The following AVEN variants were observed in gnomAD, a reference collection of about 807,000 sequenced individuals.
AVEN encodes the protein cell death regulator Aven.
In AVEN, 41 loss-of-function variants were observed where a neutral mutation model predicts 38.1. The ratio of observed to expected loss-of-function variants is 1.08; its 90% CI spans 0.84 to 1.40. The LOEUF is 1.40. Ranked by LOEUF, AVEN falls within the 40% of genes most tolerant of loss-of-function variation. The probability of loss-of-function intolerance (pLI) is 0.00; values close to 1 mark genes in which losing one functional copy is unlikely to be tolerated. For missense variants in AVEN, 605 were observed against 438.8 expected, an observed-to-expected ratio of 1.38 and a Z score of -3.38; for synonymous variants, 206 against 171.8, an observed-to-expected ratio of 1.20 and a Z score of -1.56.
intron 2 of AVEN, among the ~76,000 whole-genome samples, chr15:33,953,175 T>G (rs1354845087): frequency 6.6e-6 from 1 of 152,046 alleles, no homozygotes; most frequent in African/African-American, 2.4e-5. Flanking sequence ...TGCTCATGGA[T>G]AGGAAGAATC....
At chr15:34,025,437 T>C (rs2140735082) in intron 1 of AVEN, among the ~76,000 whole-genome samples, 1 of 152,262 alleles carries the variant, frequency 6.6e-6, no homozygotes, top group South Asian at 2.1e-4. Flanking sequence ...AGAAGTAGAC[T>C]AGAGTGGTTA....
intron 2 of AVEN, among the ~76,000 whole-genome samples, chr15:33,876,698 A>G (rs1186334947): frequency 6.6e-6 from 1 of 152,240 alleles, no homozygotes; most frequent in African/African-American, 2.4e-5. Context: ...AGAGGTTATC[A>G]GCCTCTACTG....
intron 5 of AVEN, chr15:34,062,572 A>AAC: frequency 3.0e-5 from 20 of 657,336 alleles, no homozygotes; most frequent in Admixed American, 8.3e-5. Flanking sequence ...AAAAAAAAAA[A>AAC]AACTATAAAC....
Position 34,006,969 on chromosome 15 carries a change from TATAAAG to T in AVEN, c.268-3766_268-3761del, listed in dbSNP as rs1359510644. The T allele has an allele frequency of 2.4e-5, 16 of 669,976 alleles. No homozygotes were observed. In the South Asian group the frequency reaches 6.8e-4, roughly 28 times the overall value. 41.5% of individuals were successfully genotyped at this position (669,976 alleles called of 1,614,324 possible). On this transcript the variant is annotated intron_variant, in intron 1 of 5. Transcript: ENST00000306730. ...ACTGATCAGAAAACAAGGTGAAAAC[TATAAAG>T]ATAAAGGCATCATTTTCATATAAAT...
rs1349533670 is a variant in AVEN at position 34,063,920 on chromosome 15, A to C, written n.1127-488T>G. The C allele has an allele frequency of 3.7e-6, 6 of 1,614,044 alleles. No homozygotes were observed. Among genetic ancestry groups the C allele is most frequent in the Non-Finnish European group, 4.2e-6 (5 of 1,180,038 alleles). On this transcript the variant is annotated intron_variant and non_coding_transcript_variant, in intron 4 of 11. Coordinates refer to the AVEN transcript ENST00000675287. This position sits in a 1 kb window ranked among gnomAD's most constrained non-coding sequence, Gnocchi z 4.1. ...CCAACAATGGCTGTCACAAGGTGAA[A>C]ATCATGCCCTGCCCCTTCCCAGTGG...
At chr15:33,852,345 A>T in the AVEN span, 5 of 152,180 alleles carry the variant, frequency 3.3e-5, no homozygotes, top group African/African-American at 1.2e-4. Context: ...TCTTAACTTT[A>T]ACAGTAAGAA....
At chr15:33,879,782 G>A (rs1891408953) in intron 2 of AVEN, among the ~76,000 whole-genome samples, 1 of 151,992 alleles carries the variant, frequency 6.6e-6, no homozygotes, top group Non-Finnish European at 1.5e-5. Flanking sequence ...ATTGAAATGT[G>A]GTTTGACAAA....
chr15:33,895,579 C>A (rs1430572852), intron 2 of AVEN, among the ~76,000 whole-genome samples: 2 of 152,030 alleles, frequency 1.3e-5, no homozygotes, highest in Non-Finnish European at 2.9e-5. Context: ...CCCACCTCAG[C>A]CTCCCAAAGT....
chr15:34,028,886 A>C (rs142650966), intron 1 of AVEN, among the ~76,000 whole-genome samples: 1 of 152,234 alleles, frequency 6.6e-6, no homozygotes, highest in African/African-American at 2.4e-5. Context: ...GAGGAAAAAC[A>C]CACAGATGCC....
At chr15:33,878,874 T>C (rs1891362849) in intron 2 of AVEN, among the ~76,000 whole-genome samples, 1 of 152,176 alleles carries the variant, frequency 6.6e-6, no homozygotes, top group African/African-American at 2.4e-5. Context: ...ATCTGATAGA[T>C]TTTTTTAAAA....
intron 1 of AVEN, among the ~76,000 whole-genome samples, chr15:34,017,475 T>A (rs967068309): frequency 5.7e-5 from 2 of 35,280 alleles, no homozygotes; most frequent in African/African-American, 1.1e-4. Flanking sequence ...TCAGTATGAT[T>A]TTTTTTTTGT....
At chr15:33,975,368 C>G (rs1232064772) in intron 2 of AVEN, among the ~76,000 whole-genome samples, 5 of 152,196 alleles carry the variant, frequency 3.3e-5, no homozygotes, top group Non-Finnish European at 7.3e-5. Context: ...GGTTGCGAAA[C>G]AGTGCTACTT....
At chr15:34,045,712 A>T (rs185916601) in intron 5 of AVEN, among the ~76,000 whole-genome samples, 1 of 138,080 alleles carries the variant, frequency 7.2e-6, no homozygotes, top group Non-Finnish European at 1.5e-5. Flanking sequence ...AAAAAAAAAA[A>T]GGTGTTTCAG....
chr15:33,948,320 C>T (rs1462475879), intron 2 of AVEN, among the ~76,000 whole-genome samples: 1 of 151,570 alleles, frequency 6.6e-6, no homozygotes, highest in African/African-American at 2.4e-5. Context: ...TGGTCTTGAA[C>T]TCCTGACCTT....
At chr15:33,868,736 ATTAGAAG>A (rs981500922) in intron 4 of AVEN, among the ~76,000 whole-genome samples, 19 of 152,262 alleles carry the variant, frequency 1.2e-4, no homozygotes, top group African/African-American at 4.3e-4. Context: ...AAGCTACGGT[ATTAGAAG>A]TTAGGTGAGC....
Position 33,867,716 on chromosome 15 carries a change from C to A in AVEN, c.752G>T (p.Cys251Phe). The A allele has an allele frequency of 6.2e-7, 1 of 1,614,122 alleles. No individual in the cohort carries two copies. Among genetic ancestry groups the A allele is most frequent in the Non-Finnish European group, 8.5e-7 (1 of 1,179,990 alleles). The change falls in exon 5 of 6, where the codon TGC (cysteine) becomes TTC (phenylalanine). Residue 251 changes from cysteine to phenylalanine, a missense_variant. Cys to Phe is a radical substitution (Grantham distance 205). Coordinates refer to ENST00000306730, the MANE Select transcript of AVEN (RefSeq NM_020371.3). ...GTTGTCTTTGCCCAGCAACACAGGG[C>A]AGCCAGCAGCCACAGATTTCAGCTC... ...IFELKSVAAGCPVLLGKDNPS... is the reference protein window; with the variant it reads ...IFELKSVAAGFPVLLGKDNPS...
At chr15:33,987,579 T>G (rs1453391970) in intron 2 of AVEN, among the ~76,000 whole-genome samples, 1 of 152,138 alleles carries the variant, frequency 6.6e-6, no homozygotes, top group Non-Finnish European at 1.5e-5. Context: ...GAACAATGGT[T>G]TTTTTCTCCA....
intron 2 of AVEN, among the ~76,000 whole-genome samples, chr15:33,934,626 A>G (rs973015074): frequency 6.6e-6 from 1 of 152,208 alleles, no homozygotes; most frequent in Non-Finnish European, 1.5e-5. Flanking sequence ...GCTAGGAAGG[A>G]TGACTAAGTG....
intron 2 of AVEN, among the ~76,000 whole-genome samples, chr15:33,890,572 T>C (rs539528092): frequency 2.4e-4 from 37 of 152,130 alleles, no homozygotes; most frequent in African/African-American, 8.9e-4. Flanking sequence ...AAATGTAAAA[T>C]ACAGAATTCT....
Sources: gnomAD v4.1 joint callset for allele counts (sites outside exome capture counted in the v4.1 genomes callset) on GRCh38, gnomAD v4.1.1 for gene constraint, Gnocchi (gnomAD v3.1) non-coding constraint, MANE v1.5 for transcripts, NCBI Gene and HGNC (gene_info 2026-07-23, HGNC 2026-07-21) for gene names.